CACNA2D1: variants seen among roughly 807,000 people sequenced by gnomAD.
CACNA2D1 encodes calcium voltage-gated channel auxiliary subunit alpha2delta 1.
A neutral mutation model predicts 171.5 loss-of-function variants in CACNA2D1; 53 were observed. That is an observed-to-expected ratio of 0.31 (90% confidence interval 0.25 to 0.39). CACNA2D1 has a LOEUF of 0.39. CACNA2D1 is among the 10% of genes least tolerant of loss of function. The pLI is 1.00. For missense variants in CACNA2D1, 903 were observed against 1,299.8 expected (o/e 0.69, Z 4.69); for synonymous variants, 442 against 443.1 (o/e 1.00, Z 0.03).
intron 3 of CACNA2D1, among the ~76,000 whole-genome samples, chr7:82,311,576 T>C (rs983731021): frequency 2.0e-5 from 3 of 152,168 alleles, no homozygotes; most frequent in Admixed American, 6.5e-5. Flanking sequence ...CTTGTAACAA[T>C]TGGGTAGAAT....
At chr7:82,198,089 C>G (rs969238059) in intron 3 of CACNA2D1, among the ~76,000 whole-genome samples, 3 of 151,312 alleles carry the variant, frequency 2.0e-5, no homozygotes, top group African/African-American at 7.3e-5. Context: ...ATTTCTATAC[C>G]CCCAGTATAA....
At chr7:82,396,432 T>C (rs1287482761) in intron 1 of CACNA2D1, among the ~76,000 whole-genome samples, 2 of 152,236 alleles carry the variant, frequency 1.3e-5, no homozygotes, top group African/African-American at 4.8e-5. Flanking sequence ...TTCCATAATC[T>C]GGCTCTTTAA....
intron 3 of CACNA2D1, among the ~76,000 whole-genome samples, chr7:82,202,907 A>C (rs921892655): frequency 6.6e-6 from 1 of 152,132 alleles, no homozygotes; most frequent in Admixed American, 6.5e-5. Context: ...GATAGATTTG[A>C]TTTTGGCCAG....
chr7:82,153,909 A>G (rs1378975051), intron 4 of CACNA2D1, among the ~76,000 whole-genome samples: 2 of 152,146 alleles, frequency 1.3e-5, no homozygotes, highest in Admixed American at 6.5e-5. Context: ...ATAGTTTTAA[A>G]GAAAAACACT....
intron 7 of CACNA2D1, among the ~76,000 whole-genome samples, chr7:82,071,705 T>C (rs1808336282): frequency 6.6e-6 from 1 of 152,142 alleles, no homozygotes; most frequent in Non-Finnish European, 1.5e-5. Flanking sequence ...TCAATATGCA[T>C]TTCCTCCTCC....
chr7:82,310,329 G>T (rs1056685351), intron 3 of CACNA2D1, among the ~76,000 whole-genome samples: 1 of 151,818 alleles, frequency 6.6e-6, no homozygotes, highest in Non-Finnish European at 1.5e-5. Flanking sequence ...AAGGTATGAG[G>T]ATGTATGTGT....
chr7:81,990,100 G>A (rs1322896199), intron 21 of CACNA2D1, among the ~76,000 whole-genome samples: 1 of 152,126 alleles, frequency 6.6e-6, no homozygotes, highest in African/African-American at 2.4e-5. Flanking sequence ...ATCATTAGAG[G>A]AGAGAAGGCC....
chr7:82,365,577 T>C (rs78382665), intron 1 of CACNA2D1, among the ~76,000 whole-genome samples: 1,657 of 152,356 alleles, frequency 0.011, 35 homozygotes, highest in African/African-American at 0.038. Flanking sequence ...TGTAGACCAA[T>C]GACAGATCAA....
At chr7:82,184,390 C>A (rs1797456764) in intron 3 of CACNA2D1, among the ~76,000 whole-genome samples, 1 of 151,860 alleles carries the variant, frequency 6.6e-6, no homozygotes, top group Admixed American at 6.6e-5. Context: ...AAAAAATATG[C>A]CACCTCTGTT....
intron 9 of CACNA2D1, 66 bp from the exon 10 acceptor site, chr7:82,060,593 A>C: frequency 1.1e-6 from 1 of 946,644 alleles, no homozygotes; most frequent in Admixed American, 1.7e-5. Context: ...CATCATAAGG[A>C]AAGATAATGT....
chr7:82,092,650 C>T (rs1048755464), intron 6 of CACNA2D1, among the ~76,000 whole-genome samples: 7 of 151,272 alleles, frequency 4.6e-5, no homozygotes, highest in Non-Finnish European at 1.0e-4. Flanking sequence ...ACCTCGGCCT[C>T]CCAAAGTGCT....
intron 3 of CACNA2D1, among the ~76,000 whole-genome samples, chr7:82,287,842 T>A (rs960734320): frequency 7.2e-6 from 1 of 138,326 alleles, no homozygotes; most frequent in African/African-American, 2.9e-5. Context: ...CTCCTTACTT[T>A]TTTTTGTTTT....
intron 3 of CACNA2D1, among the ~76,000 whole-genome samples, chr7:82,273,197 A>G (rs1219647254): frequency 1.3e-5 from 2 of 152,234 alleles, no homozygotes; most frequent in Middle Eastern, 3.4e-3. Flanking sequence ...CTGCTAAACA[A>G]TTCCAGATGG....
intron 10 of CACNA2D1, among the ~76,000 whole-genome samples, chr7:82,049,984 T>C (rs1369327255): frequency 6.6e-6 from 1 of 152,218 alleles, no homozygotes; most frequent in African/African-American, 2.4e-5. Context: ...TAGAAATTGC[T>C]TTTAAGTTCA....
intron 10 of CACNA2D1, among the ~76,000 whole-genome samples, chr7:82,044,300 C>A (rs1804291558): frequency 6.6e-6 from 1 of 152,022 alleles, no homozygotes; most frequent in Non-Finnish European, 1.5e-5. Context: ...TTGTTTAGTC[C>A]TAAAGCATTT....
intron 4 of CACNA2D1, among the ~76,000 whole-genome samples, chr7:82,155,631 T>C (rs1252391285): frequency 6.6e-6 from 1 of 152,160 alleles, no homozygotes; most frequent in Non-Finnish European, 1.5e-5. Flanking sequence ...TTTTTTGCTA[T>C]TAGCAAACAG....
intron 2 of CACNA2D1, among the ~76,000 whole-genome samples, chr7:82,335,962 C>A (rs1817941661): frequency 6.6e-6 from 1 of 152,104 alleles, no homozygotes; most frequent in African/African-American, 2.4e-5. Flanking sequence ...GCATAAGTTG[C>A]ACCTGTCTTA....
At chr7:82,442,513 A>C (rs745470219) in intron 1 of CACNA2D1, among the ~76,000 whole-genome samples, 24 of 152,188 alleles carry the variant, frequency 1.6e-4, no homozygotes, top group Admixed American at 2.6e-4. Context: ...TTTGCTAAGA[A>C]AGGAGAGAAT....
At chr7:82,278,905 T>C (rs1349721490) in intron 3 of CACNA2D1, among the ~76,000 whole-genome samples, 2 of 152,156 alleles carry the variant, frequency 1.3e-5, no homozygotes, top group East Asian at 3.9e-4. Context: ...CCTGTTGAAA[T>C]GTCAACAGAA....
Sources: allele counts gnomAD v4.1 joint callset (sites outside exome capture counted in the v4.1 genomes callset), GRCh38; gene constraint gnomAD v4.1.1; transcripts MANE v1.5; gene names NCBI Gene and HGNC (gene_info 2026-07-23, HGNC 2026-07-21).